PC: variants seen among roughly 807,000 people sequenced by gnomAD.
PC encodes the protein pyruvate carboxylase, mitochondrial.
A neutral mutation model predicts 107.8 loss-of-function variants in PC; 46 were observed. The observed-to-expected ratio is 0.43, with a 90% confidence interval of 0.34 to 0.55. The LOEUF is 0.55. PC is among the 20% of genes least tolerant of loss of function. The pLI is 0.04. For missense variants in PC, 1,241 were observed against 1,643.1 expected (o/e 0.76, Z 4.23); for synonymous variants, 662 against 684.7 (o/e 0.97, Z 0.52).
At chr11:66,954,494 C>A (rs963818508) in intron 1 of PC, 58 bp from the exon 2 acceptor site, 1 of 152,306 alleles carries the variant, frequency 6.6e-6, no homozygotes, top group African/African-American at 2.4e-5. Context: ...TCAGAGTGAG[C>A]AGGCAAAATG....
At chr11:66,877,091 G>A (rs560443385) in intron 3 of PC, among the ~76,000 whole-genome samples, 1 of 152,322 alleles carries the variant, frequency 6.6e-6, no homozygotes, top group Admixed American at 6.5e-5. Flanking sequence ...GAGCCTTTAA[G>A]GTATTTATGC....
rs1946682094 is a variant in PC, at chr11:66,870,497, C to T, written c.752-44G>A. On this transcript the variant is annotated intron_variant, in intron 8 of 22. Transcript: ENST00000393960. This position sits in a 1 kb window ranked among gnomAD's most constrained non-coding sequence, Gnocchi z 6.1. The stretch of plus-strand genomic sequence containing the variant: ...TGGGCTTAGCTTTTACTGGAATCTA[C>T]ACGCCTCCTAAATGCCCCATCACCC... 1.2e-6 allele frequency: 2 copies of T among 1,603,040 alleles called. No individual in the cohort carries two copies. Among genetic ancestry groups the T allele is most frequent in the South Asian group, 2.2e-5 (2 of 90,856 alleles).
intron 3 of PC, among the ~76,000 whole-genome samples, chr11:66,950,009 A>G (rs1362099403): frequency 6.6e-6 from 1 of 152,160 alleles, no homozygotes; most frequent in East Asian, 1.9e-4. Flanking sequence ...ACACATTGCA[A>G]GAGACAAATA....
Position 66,850,401 on chromosome 11 carries a change from G to A in PC, c.2537C>T (p.Ala846Val), listed in dbSNP as rs1373333861. 7 of 1,613,908 alleles carry A rather than the reference G, an allele frequency of 4.3e-6. No individual in the cohort carries two copies. The highest frequency in any genetic ancestry group is 2.2e-5 in the South Asian group (2 of 91,090). ...CATGGTGGCCGTGCAGTCGAAGGCC[G>A]CGTACAGTCCCCGAGCCCCCTCCCA... ...EYWEGARGLY[A>V]AFDCTATMKS... The change falls in exon 19 of 23, where the codon GCG (alanine) becomes GTG (valine). Residue 846 changes from alanine (A) to valine (V), a missense_variant. Ala to Val is a moderately conservative substitution (Grantham distance 64). Coordinates refer to ENST00000393960, the MANE Select transcript of PC (RefSeq NM_001040716.2).
intron 3 of PC, among the ~76,000 whole-genome samples, chr11:66,873,455 AAT>A (rs1235280164): frequency 3.7e-5 from 3 of 81,778 alleles, no homozygotes; most frequent in African/African-American, 5.0e-5. Context: ...TTATATATAA[AAT>A]ATATATTATA....
intron 3 of PC, among the ~76,000 whole-genome samples, chr11:66,880,104 C>T (rs548679158): frequency 1.3e-5 from 2 of 152,166 alleles, no homozygotes; most frequent in Non-Finnish European, 2.9e-5. Flanking sequence ...ATTCCCAGGG[C>T]GCCTGCACCC....
At chr11:66,861,931 C>T (rs1026164568) in intron 12 of PC, among the ~76,000 whole-genome samples, 10 of 152,222 alleles carry the variant, frequency 6.6e-5, no homozygotes, top group Admixed American at 6.5e-5. Context: ...CCCTAGCAGG[C>T]GCAAGGTTCT....
intron 16 of PC, 103 bp downstream of exon 16, chr11:66,851,687 A>G: frequency 8.1e-7 from 1 of 1,232,008 alleles, no homozygotes; most frequent in Non-Finnish European, 1.2e-6. Flanking sequence ...CCACAGAGAG[A>G]CTTGGTGTCA....
In PC at chr11:66,857,509, C is replaced by G; in HGVS notation, c.1369-4126G>C. On this transcript the variant is annotated intron_variant, in intron 12 of 22. Transcript: ENST00000393960. The surrounding 1 kb of genome is among the most constrained non-coding windows in gnomAD (Gnocchi z 7.1). ...TCCTGCCTCATGCCTCACCTTGTCC[C>G]CAGCGCCTGGACTCCCCCTTAACTG... is the stretch of plus-strand genomic sequence containing the variant. The G allele has an allele frequency of 2.0e-6, 1 of 506,836 alleles. No individual in the cohort carries two copies. Among genetic ancestry groups the G allele is most frequent in the Non-Finnish European group, 3.5e-6 (1 of 288,436 alleles). The allele number at this position is 506,836 out of a possible 1,614,324, so 31.4% of individuals were successfully genotyped here.
At chr11:66,935,588 C>T (rs1805273505) in intron 3 of PC, among the ~76,000 whole-genome samples, 1 of 152,196 alleles carries the variant, frequency 6.6e-6, no homozygotes, top group Non-Finnish European at 1.5e-5. Flanking sequence ...TGCACTGTAA[C>T]ACCCTGCCAC....
intron 1 of PC, among the ~76,000 whole-genome samples, chr11:66,957,445 C>G (rs1418922125): frequency 6.6e-6 from 1 of 152,200 alleles, no homozygotes; most frequent in Non-Finnish European, 1.5e-5. Flanking sequence ...GACGGAACCT[C>G]GTCTCTACCA....
intron 11 of PC, 98 bp from the exon 12 acceptor site, chr11:66,864,054 T>C: frequency 1.6e-6 from 2 of 1,223,226 alleles, no homozygotes; most frequent in South Asian, 2.4e-5. Context: ...CAGCAGCTGC[T>C]GAGAGCAGAG....
At chr11:66,940,675 A>G (rs926813577) in intron 3 of PC, among the ~76,000 whole-genome samples, 4 of 151,922 alleles carry the variant, frequency 2.6e-5, no homozygotes, top group African/African-American at 9.7e-5. Flanking sequence ...GCAACAGAAC[A>G]AGACCCTGTC....
chr11:66,874,429 C>T (rs571718588), intron 3 of PC, among the ~76,000 whole-genome samples: 1 of 152,316 alleles, frequency 6.6e-6, no homozygotes, highest in South Asian at 2.1e-4. Context: ...ACACTTGACT[C>T]AGCCATTTTG....
intron 3 of PC, chr11:66,919,824 T>C (rs1449044454): frequency 6.6e-6 from 1 of 152,062 alleles, no homozygotes. Flanking sequence ...GAAAGCCCCA[T>C]TAAAAATAAA....
In PC at chr11:66,857,751, C is replaced by A; in HGVS notation, c.1369-4368G>T. On this transcript the variant is annotated intron_variant, in intron 12 of 22. Coordinates refer to ENST00000393960, the MANE Select transcript of PC (RefSeq NM_001040716.2). This position sits in a 1 kb window ranked among gnomAD's most constrained non-coding sequence, Gnocchi z 7.1. ...TTCCTACAGGGCGCTCACCATGGCC[C>A]CGCCGCTCCTGCTGCTGCTGCTGGC... The A allele has an allele frequency of 6.3e-7, 1 of 1,592,472 alleles. No homozygotes were observed. The highest frequency in any genetic ancestry group is 8.5e-7 in the Non-Finnish European group (1 of 1,176,064).
intron 3 of PC, among the ~76,000 whole-genome samples, chr11:66,915,645 T>A (rs1009947756): frequency 2.4e-4 from 36 of 152,016 alleles, no homozygotes; most frequent in African/African-American, 8.5e-4. Flanking sequence ...CATGGAGGGG[T>A]GTACCAGGGC....
In PC at chr11:66,858,191, C is replaced by T. The variant is rs1332490187; in HGVS notation, c.1369-4808G>A. On this transcript the variant is annotated intron_variant, in intron 12 of 22. Transcript: ENST00000393960. The surrounding 1 kb of genome is among the most constrained non-coding windows in gnomAD (Gnocchi z 5.9). The stretch of plus-strand genomic sequence containing the variant: ...ACGACTTCCTAGAGAGCCTGGAGGA[C>T]CTGGACCTGTCCTACAACAACCTCC... 6.2e-7 allele frequency: 1 copy of T among 1,612,284 alleles called. No individual in the cohort carries two copies.
chr11:66,849,769 G>T lies in PC; in HGVS notation c.2989C>A (p.Arg997=). ...LQALEKELVD[R]HGEEVTPEDV... ...TCCGGCGTCACCTCCTCCCCATGCC[G>T]GTCTACCAGCTCCTTCTCCAGTGCC... Residue 997 remains arginine (R), a synonymous_variant, in exon 21 of 23, where the codon CGG becomes AGG. Coordinates refer to ENST00000393960, the MANE Select transcript of PC (RefSeq NM_001040716.2). 1 of 1,614,164 alleles carries T rather than the reference G, an allele frequency of 6.2e-7. No homozygotes were observed. Among genetic ancestry groups the T allele is most frequent in the African/African-American group, 1.3e-5 (1 of 75,042 alleles).
Sources: gnomAD v4.1 joint callset for allele counts (sites outside exome capture counted in the v4.1 genomes callset) on GRCh38, gnomAD v4.1.1 for gene constraint, Gnocchi (gnomAD v3.1) non-coding constraint, MANE v1.5 for transcripts, NCBI Gene and HGNC (gene_info 2026-07-23, HGNC 2026-07-21) for gene names.